Variants in SLC9A4 observed in about 807,000 individuals in gnomAD.
The protein encoded by SLC9A4 is solute carrier family 9 member A4.
A neutral mutation model predicts 67.4 loss-of-function variants in SLC9A4; 63 were observed. The ratio of observed to expected loss-of-function variants is 0.93; its 90% CI spans 0.76 to 1.15. The LOEUF (loss-of-function observed/expected upper bound fraction) is 1.15. Ranked by LOEUF, SLC9A4 falls within the 50% of genes most tolerant of loss-of-function variation. The pLI is 0.00. For synonymous variants in SLC9A4, 393 were observed against 367.2 expected (o/e 1.07, Z -0.80); for missense variants, 1,089 against 987.7 (o/e 1.10, Z -1.38).
intron 6 of SLC9A4, among the ~76,000 whole-genome samples, chr2:102,511,126 C>T (rs1685156440): frequency 6.6e-6 from 1 of 152,114 alleles, no homozygotes; most frequent in Non-Finnish European, 1.5e-5. Flanking sequence ...TCCTCTATCC[C>T]TGAGAATTCA....
intron 2 of SLC9A4, among the ~76,000 whole-genome samples, chr2:102,498,447 A>T (rs1287331374): frequency 2.0e-5 from 3 of 152,230 alleles, no homozygotes; most frequent in Admixed American, 6.5e-5. Flanking sequence ...AAAGAGTTTT[A>T]GTTTGTGGCA....
At chr2:102,530,999 T>C (rs927407584) in intron 11 of SLC9A4, among the ~76,000 whole-genome samples, 12 of 152,090 alleles carry the variant, frequency 7.9e-5, no homozygotes, top group Non-Finnish European at 2.9e-5. Flanking sequence ...TGTTTTGTTT[T>C]TTTAGGAGGG....
rs1181947037 is a variant in SLC9A4, at chr2:102,478,913, G to A, written c.331G>A (p.Gly111Ser). Residue 111 changes from glycine (G) to serine (S), a missense_variant, in exon 2 of 12, where the codon GGC (glycine) becomes AGC (serine). Gly to Ser is a moderately conservative substitution (Grantham distance 56). Transcript: ENST00000295269. ...CCTCATCCTGGTGGGGGCGCTGGTG[G>A]GCGGCATCATCTTCGGCACCGACCA... Reference protein sequence around the residue: ...CLLILVGALVGGIIFGTDHKS... With the variant: ...CLLILVGALVSGIIFGTDHKS... The A allele has an allele frequency of 2.5e-6, 4 of 1,613,954 alleles. No individual in the cohort carries two copies. In the African/African-American group the frequency reaches 5.3e-5, roughly 22 times the overall value.
At chr2:102,514,039 G>A in intron 7 of SLC9A4, 51 bp from the exon 8 acceptor site, 1 of 1,576,330 alleles carries the variant, frequency 6.3e-7, no homozygotes, top group Non-Finnish European at 8.6e-7. Context: ...CATACTTAAT[G>A]TAACACATAC....
At chr2:102,484,213 A>G (rs893304570) in intron 2 of SLC9A4, among the ~76,000 whole-genome samples, 1 of 152,192 alleles carries the variant, frequency 6.6e-6, no homozygotes, top group Admixed American at 6.5e-5. Context: ...TGCCTGAACA[A>G]TGACAGAGCA....
Position 102,479,314 on chromosome 2 carries a change from T to C in SLC9A4, c.720+12T>C, listed in dbSNP as rs755888272. ...ATGGCATTACTGTGGTGAGATGTCA[T>C]GTGCCCGCCCGGCTTCCGGGGGAGA... On this transcript the variant is annotated intron_variant, in intron 2 of 11. Coordinates refer to ENST00000295269, the MANE Select transcript of SLC9A4 (RefSeq NM_001011552.4). 14 of 1,594,906 alleles carry C rather than the reference T, an allele frequency of 8.8e-6. No individual in the cohort carries two copies. Among genetic ancestry groups the C allele is most frequent in the African/African-American group, 1.3e-5 (1 of 74,802 alleles).
Position 102,508,045 on chromosome 2 carries a change from T to A in SLC9A4, c.1199-34T>A, listed in dbSNP as rs200134238. 35 of 1,600,306 alleles carry A rather than the reference T, an allele frequency of 2.2e-5. No homozygotes were observed. In the Admixed American group the frequency reaches 2.3e-4, roughly 11 times the overall value. ...GCTCTGTATCTCTGCTCGTTCATGATCCTCTGCTCTAATACACGTTTCCCC... is the reference window on the plus strand; with the variant it reads ...GCTCTGTATCTCTGCTCGTTCATGAACCTCTGCTCTAATACACGTTTCCCC... On this transcript the variant is annotated intron_variant, in intron 4 of 11. Coordinates refer to ENST00000295269, the MANE Select transcript of SLC9A4 (RefSeq NM_001011552.4).
intron 8 of SLC9A4, among the ~76,000 whole-genome samples, chr2:102,517,176 C>G (rs1036286481): frequency 1.3e-5 from 2 of 152,176 alleles, no homozygotes; most frequent in Non-Finnish European, 2.9e-5. Context: ...TGTTGTTCAT[C>G]TTGGTGACCT....
chr2:102,525,217 C>T (rs1483176582), intron 10 of SLC9A4, 62 bp downstream of exon 10: 22 of 1,604,722 alleles, frequency 1.4e-5, no homozygotes, highest in Non-Finnish European at 1.8e-5. Flanking sequence ...ATCTGCTGAG[C>T]CTGTTCCTGT....
intron 2 of SLC9A4, among the ~76,000 whole-genome samples, chr2:102,501,486 C>T (rs1027560026): frequency 6.6e-6 from 1 of 151,804 alleles, no homozygotes; most frequent in African/African-American, 2.4e-5. Flanking sequence ...CTTAGGTGAC[C>T]CACCCACCTC....
chr2:102,488,087 T>C (rs1402172275), intron 2 of SLC9A4, among the ~76,000 whole-genome samples: 23 of 152,298 alleles, frequency 1.5e-4, no homozygotes, highest in Non-Finnish European at 4.4e-5. Context: ...GCATAATACA[T>C]TAATAGAAAT....
rs759255582 is a variant in SLC9A4 at position 102,479,107 on chromosome 2, C to T, written c.525C>T (p.Leu175=). The T allele has an allele frequency of 3.7e-6, 6 of 1,614,180 alleles. No homozygotes were observed. Among genetic ancestry groups the T allele is most frequent in the Non-Finnish European group, 5.1e-6 (6 of 1,180,010 alleles). Residue 175 remains leucine (L), a synonymous_variant, in exon 2 of 12, where the codon CTC becomes CTT. Coordinates refer to ENST00000295269, the MANE Select transcript of SLC9A4 (RefSeq NM_001011552.4). Reference sequence around the variant, plus strand: ...TGATCAACGCCTTGGGCATTGGCCTCTCCCTCTACCTCATCTGCCAGGTGA... The same window carrying T: ...TGATCAACGCCTTGGGCATTGGCCTTTCCCTCTACCTCATCTGCCAGGTGA... ...GALINALGIG[L]SLYLICQVKA...
chr2:102,521,616 C>T (rs372248211), intron 9 of SLC9A4, among the ~76,000 whole-genome samples: 3 of 152,198 alleles, frequency 2.0e-5, no homozygotes, highest in South Asian at 2.1e-4. Context: ...CATAAGAATT[C>T]TCTCTTCCAC....
intron 11 of SLC9A4, among the ~76,000 whole-genome samples, chr2:102,529,248 A>C (rs562185244): frequency 8.5e-5 from 13 of 152,370 alleles, no homozygotes; most frequent in African/African-American, 2.4e-4. Context: ...TCTTTCAAAT[A>C]TACTCGACTG....
intron 2 of SLC9A4, among the ~76,000 whole-genome samples, chr2:102,481,184 AT>A (rs1406939228): frequency 5.3e-5 from 8 of 152,186 alleles, no homozygotes; most frequent in African/African-American, 1.9e-4. Context: ...ATATCGTGGC[AT>A]TACATAATAT....
chr2:102,483,800 ATATATATATATAT>A, intron 2 of SLC9A4, among the ~76,000 whole-genome samples: 2 of 5,422 alleles, frequency 3.7e-4, no homozygotes, highest in African/African-American at 6.2e-4. Flanking sequence ...CATGTACAGC[ATATATATATATAT>A]ATATATATAT....
intron 8 of SLC9A4, among the ~76,000 whole-genome samples, chr2:102,518,527 T>C (rs1200897258): frequency 1.3e-5 from 2 of 152,186 alleles, no homozygotes; most frequent in Non-Finnish European, 2.9e-5. Flanking sequence ...AGGTGGCATT[T>C]GCAGCTTTAC....
intron 2 of SLC9A4, among the ~76,000 whole-genome samples, chr2:102,480,741 C>A (rs1250067215): frequency 1.3e-5 from 2 of 152,148 alleles, no homozygotes; most frequent in Non-Finnish European, 2.9e-5. Context: ...CTATCTGCCT[C>A]CTTGGTAAAT....
At chr2:102,509,795 T>C (rs973226608) in intron 6 of SLC9A4, among the ~76,000 whole-genome samples, 4 of 152,216 alleles carry the variant, frequency 2.6e-5, no homozygotes, top group Non-Finnish European at 2.9e-5. Flanking sequence ...TTAAAATATA[T>C]GGTAGGACAC....
Sources: gnomAD v4.1 joint callset for allele counts (sites outside exome capture counted in the v4.1 genomes callset) on GRCh38, gnomAD v4.1.1 for gene constraint, MANE v1.5 for transcripts, NCBI Gene and HGNC (gene_info 2026-07-23, HGNC 2026-07-21) for gene names.